The following SARDH variants were observed in gnomAD, a reference collection of about 807,000 sequenced individuals.
The protein encoded by SARDH is sarcosine dehydrogenase, also known as sarcosine dehydrogenase, mitochondrial.
A neutral mutation model predicts 109.1 loss-of-function variants in SARDH; 95 were observed. The observed-to-expected ratio is 0.87, with a 90% CI of 0.74 to 1.03. The LOEUF (loss-of-function observed/expected upper bound fraction) is 1.03, where lower values mean the gene tolerates loss of function less well. Ranked by LOEUF, SARDH falls within the 50% of genes least tolerant of loss-of-function variation. The pLI, the probability that SARDH is intolerant of heterozygous loss-of-function variation, is 0.00. For missense variants in SARDH, 1,267 were observed against 1,287.8 expected (o/e 0.98, Z 0.25); for synonymous variants, 572 against 534.8 (o/e 1.07, Z -0.96).
At chr9:133,697,330 C>T (rs1314824370) in intron 13 of SARDH, among the ~76,000 whole-genome samples, 6 of 152,178 alleles carry the variant, frequency 3.9e-5, no homozygotes, top group Admixed American at 2.0e-4. Flanking sequence ...GATGGCTTCC[C>T]TGATGAATTT....
chr9:133,706,885 G>A (rs1242242070), intron 11 of SARDH, among the ~76,000 whole-genome samples: 2 of 152,110 alleles, frequency 1.3e-5, no homozygotes, highest in East Asian at 3.9e-4. Flanking sequence ...CAAGAAGGAG[G>A]AGGCACGCCC....
At position 133,712,634 on chromosome 9, in the gene SARDH, T is replaced by C; in HGVS notation, c.1313A>G (p.His438Arg). 6.2e-7 allele frequency: 1 copy of C among 1,609,726 alleles called. No individual in the cohort carries two copies. The highest frequency in any genetic ancestry group is 8.5e-7 in the Non-Finnish European group (1 of 1,179,920). ...IIHGRPEKDMHGYDIRRFHHS... is the reference protein window; with the variant it reads ...IIHGRPEKDMRGYDIRRFHHS... The stretch of plus-strand genomic sequence containing the variant: ...GGGCACTTACCTGATGTCATAGCCA[T>C]GCATGTCCTTCTCCGGGCGCCCATG... The change falls in exon 10 of 21, where the codon CAT becomes CGT. Residue 438 changes from histidine (H) to arginine (R), a missense_variant. His to Arg is a conservative substitution (Grantham distance 29). Transcript: ENST00000439388. The surrounding 1 kb of genome is among the most constrained non-coding windows in gnomAD (Gnocchi z 4.1).
At position 133,701,777 on chromosome 9, in the gene SARDH, T is replaced by G. The variant is rs566246684; in HGVS notation, c.1668+1139A>C. ...TGCAGGAGCCCCCTCTTCCGACGCC[T>G]TGAACAGATGTTCCACCACTAGAGC... On this transcript the variant is annotated intron_variant, in intron 13 of 20. Transcript: ENST00000439388. Among the ~76,000 whole-genome samples the G allele has an allele frequency of 3.9e-5, 6 of 152,294 alleles. No homozygotes were observed. The South Asian group carries it at 1.2e-3, about 32-fold the overall frequency.
chr9:133,701,400 G>A (rs1408699013), intron 13 of SARDH, among the ~76,000 whole-genome samples: 1 of 152,234 alleles, frequency 6.6e-6, no homozygotes, highest in Non-Finnish European at 1.5e-5. Context: ...GGTTTCTGCT[G>A]TACCTTTGCT....
At position 133,712,670 on chromosome 9, in the gene SARDH, T is replaced by C. The variant is rs1370370016; in HGVS notation, c.1277A>G (p.His426Arg). ...LGGGCGQELA[H>R]WIIHGRPEKD... ...CTCCGGGCGCCCATGGATGATCCAGTGGGCCAGCTCCTGCCCACAGCCACC... is the reference window on the plus strand; with the variant it reads ...CTCCGGGCGCCCATGGATGATCCAGCGGGCCAGCTCCTGCCCACAGCCACC... Residue 426 changes from histidine to arginine, a missense_variant, in exon 10 of 21, where the codon CAC (histidine) becomes CGC (arginine). Transcript: ENST00000439388. This position sits in a 1 kb window ranked among gnomAD's most constrained non-coding sequence, Gnocchi z 4.1. The C allele has an allele frequency of 5.6e-6, 9 of 1,610,262 alleles. No individual in the cohort carries two copies. Among genetic ancestry groups the C allele is most frequent in the South Asian group, 1.1e-5 (1 of 91,062 alleles).
intron 14 of SARDH, 142 bp from the exon 15 acceptor site, chr9:133,694,513 G>T (rs767448380): frequency 1.4e-6 from 1 of 726,464 alleles, no homozygotes; most frequent in Non-Finnish European, 2.4e-6. Flanking sequence ...CTACTGGGAG[G>T]TGACCTGGAG....
rs1438743899 is a variant in SARDH, at chr9:133,718,592, A to G, written c.1020+346T>C. 3 of 761,328 alleles carry G rather than the reference A, an allele frequency of 3.9e-6. No homozygotes were observed. Among genetic ancestry groups the G allele is most frequent in the Non-Finnish European group, 7.3e-6 (3 of 411,220 alleles). The allele number at this position is 761,328 out of a possible 1,614,324, so 47.2% of individuals were successfully genotyped here. ...CCGGGAAACAGCCCAGGCCAGGGGA[A>G]ATGCCGCTGCAGCAGCTGGTTGGGA... On this transcript the variant is annotated intron_variant, in intron 7 of 20. Coordinates refer to ENST00000439388, the MANE Select transcript of SARDH (RefSeq NM_001134707.2). This position sits in a 1 kb window ranked among gnomAD's most constrained non-coding sequence, Gnocchi z 4.2.
chr9:133,734,360 T>TTCACTCATTCATTCATTCAC (rs1564303942), intron 1 of SARDH, among the ~76,000 whole-genome samples, 157 bp from the exon 2 acceptor site: 19 of 150,832 alleles, frequency 1.3e-4, no homozygotes, highest in Non-Finnish European at 2.4e-4. Flanking sequence ...CATTCATTCA[T>TTCACTCATTCATTCATTCAC]TCACTCATTC....
chr9:133,666,846 C>A lies in SARDH; in HGVS notation c.2520G>T (p.Glu840Asp), dbSNP rs751921737. ...MEDKVPMFGL[E>D]AIWRNGQVVG... Reference sequence around the variant, plus strand: ...CCACTTGGCCGTTCCTCCAGATGGCCTCCAGGCCAAACATGGGTACTTTGC... The same window carrying A: ...CCACTTGGCCGTTCCTCCAGATGGCATCCAGGCCAAACATGGGTACTTTGC... The change falls in exon 20 of 21, where the codon GAG (glutamate) becomes GAT (aspartate). Residue 840 changes from glutamate (E) to aspartate (D), a missense_variant. Physicochemically the swap from Glu to Asp is conservative, Grantham distance 45. Coordinates refer to ENST00000439388, the MANE Select transcript of SARDH (RefSeq NM_001134707.2). The surrounding 1 kb of genome is among the most constrained non-coding windows in gnomAD (Gnocchi z 5.2). 1 of 1,612,020 alleles carries A rather than the reference C, an allele frequency of 6.2e-7. No homozygotes were observed. The highest frequency in any genetic ancestry group is 8.5e-7 in the Non-Finnish European group (1 of 1,179,350).
rs367712281 is a variant in SARDH at position 133,671,729 on chromosome 9, C to T, written c.2164-32G>A. 104 of 1,542,420 alleles carry T rather than the reference C, an allele frequency of 6.7e-5. No homozygotes were observed. The African/African-American group carries it at 1.3e-3, about 19-fold the overall frequency. On this transcript the variant is annotated intron_variant, in intron 17 of 20. Coordinates refer to ENST00000439388, the MANE Select transcript of SARDH (RefSeq NM_001134707.2). ...GACAAGGTCATGGCTTAGATGTGGC[C>T]ATGTAAGATGGCTGAGGTCCAGGCC...
Position 133,718,876 on chromosome 9 carries a change from C to A in SARDH, c.1020+62G>T. On this transcript the variant is annotated intron_variant, in intron 7 of 20. Coordinates refer to ENST00000439388, the MANE Select transcript of SARDH (RefSeq NM_001134707.2). This position sits in a 1 kb window ranked among gnomAD's most constrained non-coding sequence, Gnocchi z 4.2. ...GGAGGATGGACTTCCTGAAAGAGGC[C>A]CTCTCCATGCTGAGATGCAGCCCCA... The A allele has an allele frequency of 7.8e-7, 1 of 1,286,500 alleles. No homozygotes were observed. Among genetic ancestry groups the A allele is most frequent in the South Asian group, 1.2e-5 (1 of 83,880 alleles). The allele number at this position is 1,286,500 out of a possible 1,614,324, so 79.7% of individuals were successfully genotyped here.
At chr9:133,674,912 C>T (rs1042659007) in intron 17 of SARDH, among the ~76,000 whole-genome samples, 1 of 152,090 alleles carries the variant, frequency 6.6e-6, no homozygotes, top group Admixed American at 6.5e-5. Flanking sequence ...CATCGAAGGA[C>T]GCTAACAAAG....
chr9:133,690,278 G>A, intron 16 of SARDH, 102 bp downstream of exon 16: 1 of 1,376,164 alleles, frequency 7.3e-7, no homozygotes. Flanking sequence ...TAACTATTCA[G>A]AATGGCCCAT....
At chr9:133,662,787 A>G (rs745849194), downstream of SARDH, among the ~76,000 whole-genome samples, 4 of 152,128 alleles carry the variant, frequency 2.6e-5, no homozygotes, top group Non-Finnish European at 4.4e-5. This position sits in a 1 kb window ranked among gnomAD's most constrained non-coding sequence, Gnocchi z 5.1. Flanking sequence ...CGCTCTTCCC[A>G]GATTGCAGGG....
chr9:133,698,215 TA>T (rs1265014244), intron 13 of SARDH, among the ~76,000 whole-genome samples: 2 of 152,074 alleles, frequency 1.3e-5, no homozygotes, highest in Admixed American at 1.3e-4. Context: ...TAAATTTAAT[TA>T]AAAAGTCCCA....
intron 6 of SARDH, among the ~76,000 whole-genome samples, chr9:133,727,289 G>T (rs1397873959): frequency 6.6e-6 from 1 of 152,200 alleles, no homozygotes; most frequent in Non-Finnish European, 1.5e-5. Flanking sequence ...CACCCAAGAA[G>T]AAAGATGAAC....
At chr9:133,725,167 C>G (rs370850397) in intron 6 of SARDH, among the ~76,000 whole-genome samples, 2 of 152,170 alleles carry the variant, frequency 1.3e-5, no homozygotes, top group African/African-American at 2.4e-5. Flanking sequence ...GAAACTCCAT[C>G]GAGGCAGAAA....
At chr9:133,707,953 C>T (rs1040987382) in intron 11 of SARDH, among the ~76,000 whole-genome samples, 7 of 152,148 alleles carry the variant, frequency 4.6e-5, no homozygotes, top group African/African-American at 1.7e-4. Flanking sequence ...CTGCATACAC[C>T]CACCAAGACC....
At chr9:133,723,118 C>A (rs909305946) in intron 6 of SARDH, among the ~76,000 whole-genome samples, 4 of 152,046 alleles carry the variant, frequency 2.6e-5, no homozygotes, top group African/African-American at 9.7e-5. Context: ...AAAATACTTT[C>A]GAAAGAAATT....
Sources: allele counts gnomAD v4.1 joint callset (sites outside exome capture counted in the v4.1 genomes callset), GRCh38; gene constraint gnomAD v4.1.1; non-coding constraint Gnocchi (gnomAD v3.1); transcripts MANE v1.5; gene names NCBI Gene and HGNC (gene_info 2026-07-23, HGNC 2026-07-21).